GAD2: variants seen among roughly 807,000 people sequenced by gnomAD.
The protein encoded by GAD2 is 65 kDa glutamic acid decarboxylase.
In GAD2, 22 loss-of-function variants were observed where a neutral mutation model predicts 80.1. The observed-to-expected ratio is 0.27, with a 90% CI of 0.20 to 0.39. The LOEUF (loss-of-function observed/expected upper bound fraction) is 0.39. GAD2 is among the 10% of genes least tolerant of loss of function. The probability of loss-of-function intolerance (pLI) is 1.00; values close to 1 mark genes in which losing one functional copy is unlikely to be tolerated. For synonymous variants in GAD2, 274 were observed against 256.9 expected (o/e 1.07, Z -0.64); for missense variants, 624 against 738.4 (o/e 0.85, Z 1.80).
intron 7 of GAD2, among the ~76,000 whole-genome samples, chr10:26,232,612 C>G (rs1844618605): frequency 6.6e-6 from 1 of 151,962 alleles, no homozygotes; most frequent in South Asian, 2.1e-4. Flanking sequence ...TTCCTCCTGC[C>G]TCAGCCTCTG....
At chr10:26,256,334 C>T (rs965559968) in intron 8 of GAD2, among the ~76,000 whole-genome samples, 4 of 151,978 alleles carry the variant, frequency 2.6e-5, no homozygotes, top group Non-Finnish European at 4.4e-5. Flanking sequence ...ATGTATGTTT[C>T]CTAAAAACAA....
intron 15 of GAD2, among the ~76,000 whole-genome samples, chr10:26,300,056 G>C (rs1834312623): frequency 6.6e-6 from 1 of 152,134 alleles, no homozygotes; most frequent in African/African-American, 2.4e-5. Flanking sequence ...CTCATAAATG[G>C]ATGATGAAAG....
chr10:26,232,027 G>A lies in GAD2; in HGVS notation c.840+2250G>A, dbSNP rs566196869. Among the ~76,000 whole-genome samples the A allele has an allele frequency of 1.9e-3, 285 of 152,264 alleles. 1 individual carries two copies. Among genetic ancestry groups the A allele is most frequent in the African/African-American group, 6.5e-3 (271 of 41,538 alleles). Reference sequence around the variant, plus strand: ...AACATATTCACGGTGTTGAAGATGAGGATGTGATTTTTGTGGCAGGGAGTA... The same window carrying A: ...AACATATTCACGGTGTTGAAGATGAAGATGTGATTTTTGTGGCAGGGAGTA... On this transcript the variant is annotated intron_variant, in intron 7 of 15. Coordinates refer to ENST00000376261, the MANE Select transcript of GAD2 (RefSeq NM_001134366.2).
At chr10:26,275,434 A>G (rs574339060) in intron 11 of GAD2, among the ~76,000 whole-genome samples, 1 of 152,362 alleles carries the variant, frequency 6.6e-6, no homozygotes, top group Admixed American at 6.5e-5. Flanking sequence ...AGCAAAGCTT[A>G]GAACGTTCAT....
rs754521309 is a variant in GAD2 at position 26,292,500 on chromosome 10, T to C, written c.1422T>C (p.Cys474=). ...GGTTTGAAGCGCATGTTGATAAATG[T>C]TTGGAGTTGGCAGAGTATTTATACA... ...TTGFEAHVDK[C]LELAEYLYNI... The change falls in exon 14 of 16, where the codon TGT becomes TGC. Residue 474 remains cysteine, a synonymous_variant. Coordinates refer to ENST00000376261, the MANE Select transcript of GAD2 (RefSeq NM_001134366.2). 1.9e-6 allele frequency: 3 copies of C among 1,613,966 alleles called. No homozygotes were observed. The highest frequency in any genetic ancestry group is 4.5e-5 in the East Asian group (2 of 44,880).
intron 12 of GAD2, 48 bp from the exon 13 acceptor site, chr10:26,286,297 T>C (rs1245002023): frequency 3.3e-6 from 5 of 1,522,544 alleles, no homozygotes; most frequent in Admixed American, 2.1e-5. Flanking sequence ...AATATAAATC[T>C]AATAAGTAGT....
chr10:26,216,766 C>G (rs1336781464), upstream of GAD2: 6 of 1,557,322 alleles, frequency 3.9e-6, no homozygotes, highest in South Asian at 5.7e-5. This position sits in a 1 kb window ranked among gnomAD's most constrained non-coding sequence, Gnocchi z 4.7. Context: ...GCAGCTCGCC[C>G]GCAGCTCGCA....
At chr10:26,216,576 G>C (rs1035449305), upstream of GAD2, 2 of 384,326 alleles carry the variant, frequency 5.2e-6, no homozygotes, top group Admixed American at 4.9e-5. This position sits in a 1 kb window ranked among gnomAD's most constrained non-coding sequence, Gnocchi z 4.7. Context: ...AAGCTCCCCG[G>C]CTTCCAAAGG....
intron 6 of GAD2, among the ~76,000 whole-genome samples, chr10:26,224,977 C>T (rs900304867): frequency 3.3e-5 from 5 of 152,218 alleles, no homozygotes; most frequent in African/African-American, 1.2e-4. Context: ...AGGAAATTCA[C>T]TCTCTGATGC....
intron 15 of GAD2, among the ~76,000 whole-genome samples, chr10:26,300,236 G>C (rs1289012647): frequency 1.3e-5 from 2 of 152,096 alleles, no homozygotes; most frequent in African/African-American, 4.8e-5. Context: ...TTTTGTCCCA[G>C]CTAATTATCA....
At position 26,260,936 on chromosome 10, in the gene GAD2, G is replaced by C. The variant is rs529413748; in HGVS notation, c.921-8183G>C. ...TCATAGTTGGTGTATATACTTATGG[G>C]GTACATGAGATGTTTTGACAGACAC... On this transcript the variant is annotated intron_variant, in intron 8 of 15. Coordinates refer to ENST00000376261, the MANE Select transcript of GAD2 (RefSeq NM_001134366.2). Among the ~76,000 whole-genome samples the C allele has an allele frequency of 9.2e-5, 14 of 152,132 alleles. No individual in the cohort carries two copies. The East Asian group carries it at 2.7e-3, about 29-fold the overall frequency.
chr10:26,238,804 C>T (rs993469172), intron 7 of GAD2, among the ~76,000 whole-genome samples: 1 of 152,246 alleles, frequency 6.6e-6, no homozygotes, highest in Non-Finnish European at 1.5e-5. Flanking sequence ...TTCGGGCCAG[C>T]TGGCGAGCAG....
In GAD2 at chr10:26,293,138, C is replaced by T; in HGVS notation, c.1584+147C>T. Reference sequence around the variant, plus strand: ...TCTGTGGACTCCTACAGAGCCAGGACATATAGAGCCTGATATATGCAGACA... The same window carrying T: ...TCTGTGGACTCCTACAGAGCCAGGATATATAGAGCCTGATATATGCAGACA... On this transcript the variant is annotated intron_variant, in intron 15 of 15. Transcript: ENST00000376261. The T allele has an allele frequency of 6.4e-6, 3 of 465,538 alleles. No individual in the cohort carries two copies. In the Middle Eastern group the frequency reaches 1.1e-3, roughly 168 times the overall value. The allele number at this position is 465,538 out of a possible 1,614,324, so 28.8% of individuals were successfully genotyped here.
At position 26,273,715 on chromosome 10, in the gene GAD2, T is replaced by G; in HGVS notation, c.1157+15T>G. Reference sequence around the variant, plus strand: ...GGCGTGGAGAGGTATGTTGCATTTTTCTTATTAACAACATAAAGTGTTAAA... The same window carrying G: ...GGCGTGGAGAGGTATGTTGCATTTTGCTTATTAACAACATAAAGTGTTAAA... On this transcript the variant is annotated intron_variant, in intron 11 of 15. Transcript: ENST00000376261. The G allele has an allele frequency of 6.2e-7, 1 of 1,609,136 alleles. No homozygotes were observed. The highest frequency in any genetic ancestry group is 8.5e-7 in the Non-Finnish European group (1 of 1,176,306).
At chr10:26,250,180 AT>A (rs1844861626) in intron 8 of GAD2, among the ~76,000 whole-genome samples, 1 of 151,898 alleles carries the variant, frequency 6.6e-6, no homozygotes, top group Admixed American at 6.6e-5. Context: ...CACCCAGCTC[AT>A]TTTTGTTTGT....
At chr10:26,293,966 G>T (rs144745512) in intron 15 of GAD2, among the ~76,000 whole-genome samples, 221 of 152,336 alleles carry the variant, frequency 1.5e-3, no homozygotes, top group African/African-American at 5.2e-3. Context: ...GAGCCTAAGG[G>T]CTTGAGCTTT....
intron 7 of GAD2, among the ~76,000 whole-genome samples, chr10:26,232,014 G>A (rs898489830): frequency 3.9e-5 from 6 of 152,148 alleles, no homozygotes; most frequent in African/African-American, 1.4e-4. Context: ...CATATTCACG[G>A]TGTTGAAGAT....
intron 6 of GAD2, among the ~76,000 whole-genome samples, chr10:26,225,752 T>C (rs1844513702): frequency 1.3e-5 from 2 of 152,248 alleles, no homozygotes; most frequent in East Asian, 1.9e-4. Context: ...TTTAAATATA[T>C]AGCACAATTT....
rs763060600 is a variant in GAD2, at chr10:26,286,499, G to A, written c.1386+5G>A. The stretch of plus-strand genomic sequence containing the variant: ...TGGCTGATGTGGAGGGCAAAGGTGA[G>A]TATGTATGGACCAGCTAAATGTCAA... On this transcript the variant is annotated splice_donor_5th_base_variant and intron_variant, in intron 13 of 15. Coordinates refer to ENST00000376261, the MANE Select transcript of GAD2 (RefSeq NM_001134366.2). 1.2e-6 allele frequency: 2 copies of A among 1,610,938 alleles called. No homozygotes were observed. The highest frequency in any genetic ancestry group is 3.4e-5 in the Admixed American group (2 of 58,972).
Sources: gnomAD v4.1 joint callset for allele counts (sites outside exome capture counted in the v4.1 genomes callset) on GRCh38, gnomAD v4.1.1 for gene constraint, Gnocchi (gnomAD v3.1) non-coding constraint, MANE v1.5 for transcripts, NCBI Gene and HGNC (gene_info 2026-07-23, HGNC 2026-07-21) for gene names.